PCDHGB2: variants seen among roughly 807,000 people sequenced by gnomAD.
PCDHGB2 encodes protocadherin gamma subfamily B, 2.
In PCDHGB2, 55 loss-of-function variants were observed where a neutral mutation model predicts 59.3. That is an observed-to-expected ratio of 0.93 (90% CI 0.75 to 1.16). The LOEUF is 1.16. PCDHGB2 is among the 50% of genes most tolerant of loss of function. The pLI is 0.00. For synonymous variants in PCDHGB2, 516 were observed against 512.0 expected, an observed-to-expected ratio of 1.01 and a Z score of -0.11; for missense variants, 1,228 against 1,198.5, an observed-to-expected ratio of 1.02 and a Z score of -0.36.
Position 141,485,392 on chromosome 5 carries a change from A to G in PCDHGB2, c.2422-9415A>G. ...AGGTCGCTGGAGAGGTGAACCAAAG[A>G]CACTTCCGTGTGGATTTGGACAGCG... On this transcript the variant is annotated intron_variant, in intron 1 of 3. Coordinates refer to ENST00000522605, the MANE Select transcript of PCDHGB2 (RefSeq NM_018923.3). This position sits in a 1 kb window ranked among gnomAD's most constrained non-coding sequence, Gnocchi z 5.7. 1 of 1,613,918 alleles carries G rather than the reference A, an allele frequency of 6.2e-7. No homozygotes were observed. The highest frequency in any genetic ancestry group is 8.5e-7 in the Non-Finnish European group (1 of 1,179,938).
chr5:141,388,356 C>A (rs756910714), intron 1 of PCDHGB2: 2 of 1,613,944 alleles, frequency 1.2e-6, no homozygotes, highest in Non-Finnish European at 1.7e-6. Flanking sequence ...AGGATCTGCC[C>A]ATGATGCGGA....
intron 1 of PCDHGB2, chr5:141,375,232 C>G: frequency 6.2e-7 from 1 of 1,613,986 alleles, no homozygotes; most frequent in Non-Finnish European, 8.5e-7. Flanking sequence ...GCCTGGTAAC[C>G]TGTTCCATCC....
At position 141,444,986 on chromosome 5, in the gene PCDHGB2, T is replaced by C. The variant is rs990862582; in HGVS notation, c.2422-49821T>C. On this transcript the variant is annotated intron_variant, in intron 1 of 3. Transcript: ENST00000522605. ...TGACACTTCAAATCCATGAACATGG[T>C]ATATATTTCCATTTAATTAGGTCTT... Among the ~76,000 whole-genome samples, 4 of 152,206 alleles carry C rather than the reference T, an allele frequency of 2.6e-5. No individual in the cohort carries two copies. The East Asian group carries it at 7.7e-4, about 29-fold the overall frequency.
chr5:141,362,513 A>G lies in PCDHGB2; in HGVS notation c.2378A>G (p.His793Arg). ...GCCTCTTGGGAACAAAATACAAATC[A>G]TGGAGCCGCTGGGGTCCCTTTTGCC... The part of the protein sequence containing the change: ...DNASWEQNTN[H>R]GAAGVPFASD... Residue 793 changes from histidine to arginine, a missense_variant, in exon 1 of 4, where the codon CAT becomes CGT. His to Arg is a conservative substitution (Grantham distance 29). Coordinates refer to ENST00000522605, the MANE Select transcript of PCDHGB2 (RefSeq NM_018923.3). The G allele has an allele frequency of 6.2e-7, 1 of 1,613,982 alleles. No homozygotes were observed. The highest frequency in any genetic ancestry group is 1.1e-5 in the South Asian group (1 of 91,070).
rs375469126 is a variant in PCDHGB2 at position 141,405,300 on chromosome 5, A to G, written c.2421+42744A>G. 207 of 1,614,206 alleles carry G rather than the reference A, an allele frequency of 1.3e-4. No homozygotes were observed. Among genetic ancestry groups the G allele is most frequent in the Non-Finnish European group, 1.6e-4 (193 of 1,180,010 alleles). On this transcript the variant is annotated intron_variant, in intron 1 of 3. Transcript: ENST00000522605. Reference sequence around the variant, plus strand: ...TATGCAGACACACTCATCAGCCAGCAGAGCTGTGAGAAAAATGAGCCTTTG... The same window carrying G: ...TATGCAGACACACTCATCAGCCAGCGGAGCTGTGAGAAAAATGAGCCTTTG...
intron 1 of PCDHGB2, among the ~76,000 whole-genome samples, chr5:141,444,062 A>G (rs1335403906): frequency 6.7e-6 from 1 of 149,402 alleles, no homozygotes; most frequent in African/African-American, 2.5e-5. Context: ...TTCAATCTAG[A>G]TTCTGATGCT....
At chr5:141,387,089 G>T (rs1034064461) in intron 1 of PCDHGB2, among the ~76,000 whole-genome samples, 1 of 152,162 alleles carries the variant, frequency 6.6e-6, no homozygotes, top group African/African-American at 2.4e-5. Flanking sequence ...TGTGATCATC[G>T]AAATGAGAAT....
rs1301800438 is a variant in PCDHGB2, at chr5:141,432,966, C to T, written c.2422-61841C>T. ...TCAGGAGGCGGCTTGACAGGAGCGC[C>T]GGCGTCGCACTTTGTGGGCGTGGAC... On this transcript the variant is annotated intron_variant, in intron 1 of 3. Coordinates refer to ENST00000522605, the MANE Select transcript of PCDHGB2 (RefSeq NM_018923.3). This position sits in a 1 kb window ranked among gnomAD's most constrained non-coding sequence, Gnocchi z 6.0. 1.2e-6 allele frequency: 2 copies of T among 1,614,066 alleles called. No homozygotes were observed. The highest frequency in any genetic ancestry group is 8.5e-7 in the Non-Finnish European group (1 of 1,180,052).
intron 1 of PCDHGB2, chr5:141,364,905 C>T (rs1326447228): frequency 2.5e-6 from 4 of 1,613,944 alleles, no homozygotes; most frequent in African/African-American, 2.7e-5. Context: ...CAAAAGTATC[C>T]GGAGCTGGTG....
At chr5:141,405,448 C>G in intron 1 of PCDHGB2, 1 of 1,314,742 alleles carries the variant, frequency 7.6e-7, no homozygotes, top group Non-Finnish European at 1.1e-6. Context: ...GAGACAGAGT[C>G]TTACTCTGTT....
intron 1 of PCDHGB2, among the ~76,000 whole-genome samples, chr5:141,434,742 G>A (rs1177333213): frequency 6.6e-6 from 1 of 151,500 alleles, no homozygotes; most frequent in Non-Finnish European, 1.5e-5. Context: ...TGAAGGCTAT[G>A]AGACCCCTGA....
intron 1 of PCDHGB2, chr5:141,370,790 C>G: frequency 6.2e-7 from 1 of 1,614,040 alleles, no homozygotes; most frequent in East Asian, 2.2e-5. Context: ...ACCCACCGAC[C>G]TTTAGCCAAA....
At position 141,505,417 on chromosome 5, in the gene PCDHGB2, C is replaced by T; in HGVS notation, c.2505C>T (p.Gly835=). The change falls in exon 3 of 4, where the codon GGC becomes GGT. Residue 835 remains glycine, a synonymous_variant. Coordinates refer to ENST00000522605, the MANE Select transcript of PCDHGB2 (RefSeq NM_018923.3). ...TSGSQNGDDT[G]TWPNNQFDTE... is the part of the protein sequence containing the mutation. ...GCTCCCAAAATGGCGATGACACCGG[C>T]ACCTGGCCCAACAACCAGTTTGACA... 1 of 1,614,212 alleles carries T rather than the reference C, an allele frequency of 6.2e-7. No individual in the cohort carries two copies. Among genetic ancestry groups the T allele is most frequent in the Non-Finnish European group, 8.5e-7 (1 of 1,180,024 alleles).
At position 141,360,218 on chromosome 5, in the gene PCDHGB2, C is replaced by G. The variant is rs1331722103; in HGVS notation, c.83C>G (p.Ala28Gly). The part of the protein sequence containing the change: ...LPFLLSLFPG[A>G]LPVQIRYSIP... ...TTCCTGTTGTCTTTGTTCCCCGGGG[C>G]TCTCCCAGTCCAGATCCGCTATTCA... Residue 28 changes from alanine to glycine, a missense_variant, in exon 1 of 4, where the codon GCT becomes GGT. Ala to Gly is a moderately conservative substitution (Grantham distance 60). This residue lies in a region of PCDHGB2 where 781 missense variants were observed against 721.6 expected (regional missense o/e 1.08). Transcript: ENST00000522605. The G allele has an allele frequency of 1.9e-6, 3 of 1,613,260 alleles. No homozygotes were observed. In the East Asian group the frequency reaches 6.7e-5, roughly 36 times the overall value.
Position 141,496,980 on chromosome 5 carries a change from G to A in PCDHGB2, c.2480+2115G>A, listed in dbSNP as rs186715298. On this transcript the variant is annotated intron_variant, in intron 2 of 3. Coordinates refer to ENST00000522605, the MANE Select transcript of PCDHGB2 (RefSeq NM_018923.3). ...GTGGGTAGATCACTTGAGGTCAGGG[G>A]TTTGAGACCAGCCTGGCAGCCAACA... Among the ~76,000 whole-genome samples the A allele has an allele frequency of 1.6e-3, 236 of 152,074 alleles. 2 individuals are homozygous for A. Among genetic ancestry groups the A allele is most frequent in the South Asian group, 7.5e-3 (36 of 4,814 alleles).
intron 1 of PCDHGB2, among the ~76,000 whole-genome samples, chr5:141,380,075 C>T (rs1776189722): frequency 6.6e-6 from 1 of 151,480 alleles, no homozygotes; most frequent in African/African-American, 2.4e-5. Flanking sequence ...AATTTTCATA[C>T]TTTTAGTAGA....
rs200545713 is a variant in PCDHGB2 at position 141,422,296 on chromosome 5, A to G, written c.2421+59740A>G. 133 of 1,550,704 alleles carry G rather than the reference A, an allele frequency of 8.6e-5. 1 individual carries two copies. The Admixed American group carries it at 2.1e-3, about 25-fold the overall frequency. ...AACTATCACCTCTTCTATTAATTCAATTCTGGAAAACTCTCCTCCAGGTAC... is the reference window on the plus strand; with the variant it reads ...AACTATCACCTCTTCTATTAATTCAGTTCTGGAAAACTCTCCTCCAGGTAC... On this transcript the variant is annotated intron_variant, in intron 1 of 3. Transcript: ENST00000522605.
intron 1 of PCDHGB2, chr5:141,389,142 G>C (rs72790030): frequency 2.5e-6 from 4 of 1,613,970 alleles, no homozygotes; most frequent in African/African-American, 2.7e-5. Flanking sequence ...CAATATAACC[G>C]TTACGGCAAC....
At chr5:141,365,046 C>T (rs753242901) in intron 1 of PCDHGB2, 1 of 1,613,884 alleles carries the variant, frequency 6.2e-7, no homozygotes, top group South Asian at 1.1e-5. Context: ...AACGACAATG[C>T]GCCCCTGTTC....
Sources: gnomAD v4.1 joint callset for allele counts (sites outside exome capture counted in the v4.1 genomes callset) on GRCh38, gnomAD v4.1.1 for gene constraint, gnomAD v4.1.1 regional missense constraint, Gnocchi (gnomAD v3.1) non-coding constraint, MANE v1.5 for transcripts, NCBI Gene and HGNC (gene_info 2026-07-23, HGNC 2026-07-21) for gene names.